Variants in HMCN1 observed in about 807,000 individuals in gnomAD.
The protein encoded by HMCN1 is hemicentin 1, also known as hemicentin-1.
A neutral mutation model predicts 625.9 loss-of-function variants in HMCN1; 321 were observed. The observed-to-expected ratio is 0.51, with a 90% confidence interval of 0.47 to 0.56. The LOEUF is 0.56. HMCN1 is among the 20% of genes least tolerant of loss of function. HMCN1 has a pLI of 0.00. For missense variants in HMCN1, 6,588 were observed against 6,887.3 expected, an observed-to-expected ratio of 0.96 and a Z score of 1.54; for synonymous variants, 2,425 against 2,417.6, an observed-to-expected ratio of 1.00 and a Z score of -0.09.
At chr1:185,862,865 C>T (rs1662957553) in intron 2 of HMCN1, among the ~76,000 whole-genome samples, 1 of 152,180 alleles carries the variant, frequency 6.6e-6, no homozygotes, top group Non-Finnish European at 1.5e-5. Flanking sequence ...ATGAGTCTCT[C>T]AGTTTTAGAG....
At chr1:185,840,191 G>A (rs974539675) in intron 1 of HMCN1, among the ~76,000 whole-genome samples, 4 of 152,112 alleles carry the variant, frequency 2.6e-5, no homozygotes, top group Admixed American at 6.5e-5. Flanking sequence ...AATATGGAAC[G>A]CATGTATTGT....
At chr1:185,988,722 C>G (rs1226538256) in intron 20 of HMCN1, among the ~76,000 whole-genome samples, 1 of 152,170 alleles carries the variant, frequency 6.6e-6, no homozygotes, top group Non-Finnish European at 1.5e-5. Flanking sequence ...TGGATTTCAA[C>G]CCCAGCTCTA....
chr1:186,115,478 A>G (rs1209363849), intron 75 of HMCN1, 64 bp downstream of exon 75: 2 of 1,460,520 alleles, frequency 1.4e-6, no homozygotes, highest in Non-Finnish European at 9.5e-7. Flanking sequence ...CAACATTTTA[A>G]TTCTATCAGT....
chr1:185,796,024 G>A (rs1658347604), intron 1 of HMCN1, among the ~76,000 whole-genome samples: 1 of 152,156 alleles, frequency 6.6e-6, no homozygotes, highest in African/African-American at 2.4e-5. Flanking sequence ...TAGTGATAAA[G>A]CCTGGGCTAT....
At chr1:185,873,060 G>C (rs1393745517) in intron 4 of HMCN1, among the ~76,000 whole-genome samples, 3 of 152,086 alleles carry the variant, frequency 2.0e-5, no homozygotes, top group Non-Finnish European at 2.9e-5. Context: ...TGTTACTTAA[G>C]GGTAAACACT....
chr1:185,930,654 G>C (rs1667496331), intron 10 of HMCN1, among the ~76,000 whole-genome samples: 1 of 151,996 alleles, frequency 6.6e-6, no homozygotes. Context: ...TTTTTTTCTA[G>C]TTGACGTGTT....
intron 52 of HMCN1, among the ~76,000 whole-genome samples, chr1:186,072,790 T>G (rs538424788): frequency 3.9e-5 from 6 of 152,294 alleles, no homozygotes; most frequent in Admixed American, 1.3e-4. Flanking sequence ...ACAGAAAATG[T>G]GAGCAGAAGA....
In HMCN1 at chr1:186,011,064, C is replaced by T. The variant is rs565652371; in HGVS notation, c.4630+3782C>T. 3.9e-5 allele frequency among the ~76,000 whole-genome samples: 6 copies of T among 152,036 alleles called. No homozygotes were observed. The South Asian group carries it at 1.0e-3, about 26-fold the overall frequency. The stretch of plus-strand genomic sequence containing the variant: ...TTTTGTTTTTGTTTTTGCTTTTCCC[C>T]TGAGAGGGAGTCTCGCTGTCACCCA... On this transcript the variant is annotated intron_variant, in intron 30 of 106. Coordinates refer to ENST00000271588, the MANE Select transcript of HMCN1 (RefSeq NM_031935.3).
At chr1:186,002,191 C>G (rs559672947) in intron 28 of HMCN1, among the ~76,000 whole-genome samples, 80 of 152,104 alleles carry the variant, frequency 5.3e-4, no homozygotes, top group African/African-American at 1.9e-3. Flanking sequence ...CTAATTAACT[C>G]TTGTAACTAA....
intron 102 of HMCN1, among the ~76,000 whole-genome samples, chr1:186,172,704 G>T (rs12120763): frequency 0.23 from 35,087 of 151,948 alleles, 4,391 homozygotes; most frequent in Middle Eastern, 0.33. Flanking sequence ...GCAACTGCAG[G>T]ATTTACAAAA....
intron 97 of HMCN1, among the ~76,000 whole-genome samples, chr1:186,164,750 A>G (rs1445012887): frequency 6.6e-6 from 1 of 152,216 alleles, no homozygotes; most frequent in Non-Finnish European, 1.5e-5. Context: ...AGCATTTCTC[A>G]TTTTAGAGTA....
In HMCN1 at chr1:186,145,945, T is replaced by C. The variant is rs1293995724; in HGVS notation, c.14608+22T>C. On this transcript the variant is annotated intron_variant, in intron 93 of 106. Transcript: ENST00000271588. ...CCAGGTAAGCAACTAAATTGGACTT[T>C]GGTAGCACATTTAGAGCCTTTGTGC... 3.1e-6 allele frequency: 5 copies of C among 1,612,404 alleles called. No individual in the cohort carries two copies. In the East Asian group the frequency reaches 8.9e-5, roughly 29 times the overall value.
intron 42 of HMCN1, among the ~76,000 whole-genome samples, chr1:186,049,948 T>G (rs183654448): frequency 2.6e-4 from 40 of 152,002 alleles, no homozygotes; most frequent in African/African-American, 9.4e-4. Context: ...TAAATTTATA[T>G]TCATTACATA....
At chr1:186,186,435 G>C (rs1466211565) in intron 105 of HMCN1, among the ~76,000 whole-genome samples, 5 of 152,178 alleles carry the variant, frequency 3.3e-5, no homozygotes, top group Non-Finnish European at 7.3e-5. Context: ...GCTGAGGCAG[G>C]AGAATCACTT....
chr1:185,938,093 A>C (rs1306913022), intron 11 of HMCN1, among the ~76,000 whole-genome samples: 1 of 151,970 alleles, frequency 6.6e-6, no homozygotes, highest in Non-Finnish European at 1.5e-5. Context: ...GAAAATAACT[A>C]ACAGTTGAAT....
chr1:186,086,582 G>A (rs1228537498), intron 58 of HMCN1, among the ~76,000 whole-genome samples, 175 bp downstream of exon 58: 1 of 152,072 alleles, frequency 6.6e-6, no homozygotes, highest in East Asian at 1.9e-4. Flanking sequence ...AGACTTCTCT[G>A]ATTTTAGTGG....
At chr1:185,857,861 A>G (rs886683042) in intron 2 of HMCN1, among the ~76,000 whole-genome samples, 1 of 152,242 alleles carries the variant, frequency 6.6e-6, no homozygotes, top group South Asian at 2.1e-4. Flanking sequence ...AATATAAATT[A>G]TAATACATCT....
chr1:185,777,286 T>C (rs1389933959), intron 1 of HMCN1, among the ~76,000 whole-genome samples: 1 of 152,182 alleles, frequency 6.6e-6, no homozygotes, highest in African/African-American at 2.4e-5. Flanking sequence ...CATTTTATCT[T>C]CTTATACCTC....
At position 185,947,070 on chromosome 1, in the gene HMCN1, G is replaced by T. The variant is rs1044849987; in HGVS notation, c.1828+13246G>T. Among the ~76,000 whole-genome samples the T allele has an allele frequency of 6.6e-5, 10 of 152,232 alleles. No homozygotes were observed. The East Asian group carries it at 1.2e-3, about 18-fold the overall frequency. On this transcript the variant is annotated intron_variant, in intron 11 of 106. Coordinates refer to ENST00000271588, the MANE Select transcript of HMCN1 (RefSeq NM_031935.3). The stretch of plus-strand genomic sequence containing the variant: ...ATTCTTTTTTGTTGGCAGGGGTTGT[G>T]GGGGGCGGGTAAATCCAGCATATAA...
Sources: allele counts gnomAD v4.1 joint callset (sites outside exome capture counted in the v4.1 genomes callset), GRCh38; gene constraint gnomAD v4.1.1; transcripts MANE v1.5; gene names NCBI Gene and HGNC (gene_info 2026-07-23, HGNC 2026-07-21).